STRN3: variants seen among roughly 807,000 people sequenced by gnomAD.
STRN3 encodes the protein striatin-3.
In STRN3, 29 loss-of-function variants were observed where a neutral mutation model predicts 95.6. That is an observed-to-expected ratio of 0.30 (90% CI 0.23 to 0.41). STRN3 has a LOEUF of 0.41. Among genes scored for constraint, STRN3 ranks in the 10% least tolerant of loss-of-function variants. The probability of loss-of-function intolerance (pLI) is 1.00; values close to 1 mark genes in which losing one functional copy is unlikely to be tolerated. For synonymous variants in STRN3, 331 were observed against 357.6 expected, an observed-to-expected ratio of 0.93 and a Z score of 0.84; for missense variants, 890 against 972.1, an observed-to-expected ratio of 0.92 and a Z score of 1.12.
intron 16 of STRN3, among the ~76,000 whole-genome samples, chr14:30,901,471 T>C (rs367855795): frequency 2.6e-5 from 4 of 152,190 alleles, no homozygotes; most frequent in East Asian, 1.9e-4. Context: ...CCATTTTCTA[T>C]ATAATCTTCA....
chr14:30,963,658 C>T (rs182567862), intron 1 of STRN3, among the ~76,000 whole-genome samples: 17 of 152,302 alleles, frequency 1.1e-4, no homozygotes, highest in African/African-American at 3.4e-4. Context: ...GATCTGCCCA[C>T]CTTGGCCTCC....
rs528279389 is a variant in STRN3 at position 31,009,518 on chromosome 14, T to A, written c.282+16386A>T. 4.0e-5 allele frequency among the ~76,000 whole-genome samples: 6 copies of A among 150,874 alleles called. 1 individual carries two copies. Among genetic ancestry groups the A allele is most frequent in the South Asian group, 2.1e-4 (1 of 4,754 alleles). Reference sequence around the variant, plus strand: ...CAGTTGAAAACCACTTTTGCATTTGTACGGAAAAAATTCTGAAAAGACATG... The same window carrying A: ...CAGTTGAAAACCACTTTTGCATTTGAACGGAAAAAATTCTGAAAAGACATG... On this transcript the variant is annotated intron_variant, in intron 1 of 17. Coordinates refer to ENST00000357479, the MANE Select transcript of STRN3 (RefSeq NM_001083893.2).
chr14:30,992,538 C>T (rs1015848732), intron 1 of STRN3, among the ~76,000 whole-genome samples: 16 of 134,128 alleles, frequency 1.2e-4, no homozygotes, highest in Admixed American at 8.5e-4. Flanking sequence ...CAAGAGTGAG[C>T]GCCACAGTGC....
intron 16 of STRN3, among the ~76,000 whole-genome samples, chr14:30,898,739 C>T (rs1013031386): frequency 3.3e-5 from 5 of 152,188 alleles, no homozygotes; most frequent in Non-Finnish European, 7.3e-5. Flanking sequence ...TAATACTCTA[C>T]CAAAACTAAT....
chr14:30,986,569 T>C (rs1029946780), intron 1 of STRN3, among the ~76,000 whole-genome samples: 3 of 152,222 alleles, frequency 2.0e-5, no homozygotes, highest in Non-Finnish European at 2.9e-5. Flanking sequence ...CTTTCCATAC[T>C]ATGCAGAAAA....
rs754841576 is a variant in STRN3, at chr14:30,919,080, TGTC to T, written c.1123_1125del (p.Asp375del). On this transcript the variant is annotated inframe_deletion, in exon 9 of 18. Coordinates refer to ENST00000357479, the MANE Select transcript of STRN3 (RefSeq NM_001083893.2). ...TCATCATCTCCCAGATCAGCTATCA[TGTC>T]GTAGAGTTTTGTCCTGTTGGCCCCT... is the stretch of plus-strand genomic sequence containing the variant. 7 of 1,609,740 alleles carry T rather than the reference TGTC, an allele frequency of 4.3e-6. No individual in the cohort carries two copies. Among genetic ancestry groups the T allele is most frequent in the Non-Finnish European group, 5.9e-6 (7 of 1,177,426 alleles).
At chr14:30,949,525 T>G (rs1478574209) in intron 4 of STRN3, among the ~76,000 whole-genome samples, 1 of 151,994 alleles carries the variant, frequency 6.6e-6, no homozygotes, top group Non-Finnish European at 1.5e-5. Context: ...GCAGAAGAAT[T>G]GCTTGAACCC....
rs1896272337 is a variant in STRN3, at chr14:30,900,331, C to T, written c.2137+2205G>A. Among the ~76,000 whole-genome samples, 3 of 149,730 alleles carry T rather than the reference C, an allele frequency of 2.0e-5. No individual in the cohort carries two copies. The South Asian group carries it at 6.3e-4, about 32-fold the overall frequency. On this transcript the variant is annotated intron_variant, in intron 16 of 17. Coordinates refer to ENST00000357479, the MANE Select transcript of STRN3 (RefSeq NM_001083893.2). ...CCGTGATCGTGCCACTGCACTCCAA[C>T]CTGGGCAATAAGAATGAAACTCCAT...
rs58239655 is a variant in STRN3 at position 30,944,621 on chromosome 14, A to ATT, written c.716+2467_716+2468dup. Among the ~76,000 whole-genome samples, 242 of 115,758 alleles carry ATT rather than the reference A, an allele frequency of 2.1e-3. 14 individuals are homozygous for ATT. Among genetic ancestry groups the ATT allele is most frequent in the East Asian group, 4.2e-3 (17 of 4,056 alleles). 75.9% of individuals were successfully genotyped at this position (115,758 alleles called of 152,430 possible). On this transcript the variant is annotated intron_variant, in intron 5 of 17. Transcript: ENST00000357479. The stretch of plus-strand genomic sequence containing the variant: ...TATATATATACACATATATATACAC[A>ATT]TTTTTTTTTTTTTTTGAGATGGAGT...
intron 1 of STRN3, among the ~76,000 whole-genome samples, chr14:30,976,490 A>G (rs1158548800): frequency 6.6e-6 from 1 of 152,220 alleles, no homozygotes; most frequent in African/African-American, 2.4e-5. Context: ...ACCAGTAAAG[A>G]TATAGTTCAA....
chr14:30,935,404 T>C, intron 6 of STRN3, 100 bp from the exon 7 acceptor site: 1 of 1,327,822 alleles, frequency 7.5e-7, no homozygotes, highest in East Asian at 2.5e-5. Flanking sequence ...ATTTTAAAAT[T>C]ACTTGGATCA....
At chr14:30,985,063 T>A (rs1881612876) in intron 1 of STRN3, among the ~76,000 whole-genome samples, 1 of 151,962 alleles carries the variant, frequency 6.6e-6, no homozygotes, top group African/African-American at 2.4e-5. Context: ...ACACCTGTAA[T>A]CCCAGCACTT....
chr14:30,941,279 G>C (rs1356834006), intron 5 of STRN3, among the ~76,000 whole-genome samples: 3 of 152,160 alleles, frequency 2.0e-5, no homozygotes, highest in Non-Finnish European at 4.4e-5. Context: ...CTGCATGATA[G>C]GACACAGGCC....
At chr14:30,970,663 C>G (rs1044179915) in intron 1 of STRN3, among the ~76,000 whole-genome samples, 1 of 152,130 alleles carries the variant, frequency 6.6e-6, no homozygotes, top group African/African-American at 2.4e-5. Flanking sequence ...AAGCCTTTTT[C>G]CAAAACCTCT....
intron 1 of STRN3, among the ~76,000 whole-genome samples, chr14:30,978,082 T>C (rs1881202942): frequency 6.6e-6 from 1 of 152,140 alleles, no homozygotes; most frequent in Admixed American, 6.6e-5. Flanking sequence ...TACTAAACAT[T>C]TGAGAATGAA....
In STRN3 at chr14:30,929,966, A is replaced by AAAAAAACAAAAAAAAAC. The variant is rs1555317370; in HGVS notation, c.989-656_989-655insGTTTTTTTTTGTTTTTT. Among the ~76,000 whole-genome samples, 93 of 108,296 alleles carry AAAAAAACAAAAAAAAAC rather than the reference A, an allele frequency of 8.6e-4. 2 individuals carry two copies. Among genetic ancestry groups the AAAAAAACAAAAAAAAAC allele is most frequent in the Non-Finnish European group, 1.3e-3 (74 of 55,710 alleles). The allele number at this position is 108,296 out of a possible 152,430, so 71.0% of individuals were successfully genotyped here. ...CAACTAAGATTAGCAAAAAAAAAAA[A>AAAAAAACAAAAAAAAAC]AAAAAAAAAAAAACTCAAATTCCAC... is the stretch of plus-strand genomic sequence containing the variant. On this transcript the variant is annotated intron_variant, in intron 7 of 17. Transcript: ENST00000357479.
chr14:30,992,764 A>G (rs1882023420), intron 1 of STRN3, among the ~76,000 whole-genome samples: 1 of 152,152 alleles, frequency 6.6e-6, no homozygotes, highest in Non-Finnish European at 1.5e-5. Flanking sequence ...CTGTAATCCC[A>G]GCACTTTGGG....
intron 13 of STRN3, among the ~76,000 whole-genome samples, chr14:30,910,425 A>G (rs1456774997): frequency 2.6e-5 from 4 of 152,250 alleles, no homozygotes; most frequent in African/African-American, 9.6e-5. Context: ...GTTAAATAAA[A>G]AGAACAAAGA....
At chr14:30,983,853 A>G (rs1881529237) in intron 1 of STRN3, among the ~76,000 whole-genome samples, 1 of 152,154 alleles carries the variant, frequency 6.6e-6, no homozygotes, top group Admixed American at 6.6e-5. Context: ...CACAGTCTCT[A>G]TAATACATAT....
Sources: gnomAD v4.1 joint callset for allele counts (sites outside exome capture counted in the v4.1 genomes callset) on GRCh38, gnomAD v4.1.1 for gene constraint, MANE v1.5 for transcripts, NCBI Gene and HGNC (gene_info 2026-07-23, HGNC 2026-07-21) for gene names.